Variants in CNGB3 observed in about 807,000 individuals in gnomAD.
CNGB3 encodes cyclic nucleotide gated channel subunit beta 3, also known as cyclic nucleotide-gated channel beta-3.
CNGB3 carries 86 observed loss-of-function variants against 92.8 expected under a neutral mutation model. The observed-to-expected ratio is 0.93, with a 90% CI of 0.78 to 1.11. The LOEUF is 1.11. Ranked by LOEUF, CNGB3 falls within the 50% of genes least tolerant of loss-of-function variation. CNGB3 has a pLI of 0.00. For synonymous variants in CNGB3, 333 were observed against 332.7 expected (o/e 1.00, Z -0.01); for missense variants, 1,026 against 956.8 (o/e 1.07, Z -0.95).
At chr8:86,689,293 G>C (rs1256865488) in intron 3 of CNGB3, among the ~76,000 whole-genome samples, 1 of 151,534 alleles carries the variant, frequency 6.6e-6, no homozygotes, top group African/African-American at 2.4e-5. Flanking sequence ...CATTAGTTCT[G>C]TTTGGTCTGT....
chr8:86,621,173 A>G (rs552524502), intron 13 of CNGB3, among the ~76,000 whole-genome samples: 27 of 152,350 alleles, frequency 1.8e-4, no homozygotes, highest in Non-Finnish European at 3.1e-4. Flanking sequence ...TATCTAATTT[A>G]AAGCATTTGT....
At position 86,604,100 on chromosome 8, in the gene CNGB3, C is replaced by A; in HGVS notation, c.1774G>T (p.Glu592Ter). The A allele has an allele frequency of 6.2e-7, 1 of 1,607,340 alleles. No homozygotes were observed. Among genetic ancestry groups the A allele is most frequent in the South Asian group, 1.1e-5 (1 of 90,930 alleles). ...GAAGTATCTTTCAGATACCTGATTT[C>A]TCCAAACACCGACCCAGCTTTCAGA... The part of the protein sequence containing the change: ...VTLKAGSVFG[E>*]ISLLAAGGGN... Residue 592 changes from glutamate to a stop codon, truncating the protein, a stop_gained, in exon 15 of 18, where the codon GAA becomes TAA. Coordinates refer to ENST00000320005, the MANE Select transcript of CNGB3 (RefSeq NM_019098.5). LOFTEE classifies it high-confidence loss of function.
At chr8:86,619,728 C>CTTTTTTTTT (rs71275868) in intron 13 of CNGB3, among the ~76,000 whole-genome samples, 5 of 73,402 alleles carry the variant, frequency 6.8e-5, no homozygotes, top group Non-Finnish European at 9.7e-5. Flanking sequence ...TGGTCTTGAC[C>CTTTTTTTTT]TTTTTTTTTT....
At chr8:86,659,209 A>G (rs1397521777) in intron 6 of CNGB3, 3 of 722,910 alleles carry the variant, frequency 4.1e-6, no homozygotes, top group Non-Finnish European at 7.6e-6. Flanking sequence ...ATCCTCTGCT[A>G]CCGCATGGCC....
rs144391005 is a variant in CNGB3 at position 86,654,914 on chromosome 8, C to G, written c.853-852G>C. Among the ~76,000 whole-genome samples the G allele has an allele frequency of 8.2e-3, 1,253 of 152,200 alleles. 10 individuals are homozygous for G. Among genetic ancestry groups the G allele is most frequent in the Non-Finnish European group, 0.012 (842 of 68,010 alleles). On this transcript the variant is annotated intron_variant, in intron 6 of 17. Coordinates refer to ENST00000320005, the MANE Select transcript of CNGB3 (RefSeq NM_019098.5). ...AGATTACCGTGCGGGTTGATGCTAC[C>G]AAATCTCTACTTCCACTAATATCAC...
At chr8:86,693,443 AT>A (rs1824360288) in intron 3 of CNGB3, among the ~76,000 whole-genome samples, 1 of 147,640 alleles carries the variant, frequency 6.8e-6, no homozygotes, top group East Asian at 2.0e-4. Flanking sequence ...TTATTTATTT[AT>A]TTATTTATTT....
At chr8:86,723,184 C>T (rs1193339146) in intron 3 of CNGB3, among the ~76,000 whole-genome samples, 1 of 152,056 alleles carries the variant, frequency 6.6e-6, no homozygotes, top group African/African-American at 2.4e-5. Context: ...TGCATTCTCC[C>T]CAGTACCTAT....
intron 6 of CNGB3, among the ~76,000 whole-genome samples, chr8:86,655,166 C>A (rs1306208867): frequency 6.6e-6 from 1 of 152,194 alleles, no homozygotes; most frequent in Non-Finnish European, 1.5e-5. Context: ...TCTACTCATT[C>A]TTCCTAAAAT....
intron 13 of CNGB3, among the ~76,000 whole-genome samples, chr8:86,622,534 C>T (rs1158559741): frequency 6.6e-6 from 1 of 152,192 alleles, no homozygotes; most frequent in East Asian, 1.9e-4. Flanking sequence ...TTCCCTTATG[C>T]TTCTTCCTAA....
chr8:86,612,242 T>C (rs1316617044), intron 13 of CNGB3, among the ~76,000 whole-genome samples: 1 of 152,176 alleles, frequency 6.6e-6, no homozygotes, highest in Non-Finnish European at 1.5e-5. Context: ...GAATGATTGT[T>C]CATATTCACT....
intron 3 of CNGB3, among the ~76,000 whole-genome samples, chr8:86,681,430 T>G (rs550177113): frequency 6.6e-6 from 1 of 152,238 alleles, no homozygotes; most frequent in African/African-American, 2.4e-5. Flanking sequence ...ACAAGGAAAG[T>G]AAGACAGGAC....
intron 3 of CNGB3, among the ~76,000 whole-genome samples, chr8:86,705,387 C>T (rs1375108854): frequency 6.6e-6 from 1 of 152,038 alleles, no homozygotes; most frequent in African/African-American, 2.4e-5. Flanking sequence ...AAAGTGCTGG[C>T]AGACGACCTG....
intron 7 of CNGB3, among the ~76,000 whole-genome samples, chr8:86,651,489 C>A (rs1351978930): frequency 5.9e-5 from 9 of 151,768 alleles, no homozygotes; most frequent in Admixed American, 5.3e-4. Context: ...ATCTTTGTAA[C>A]AAGTTAAGTG....
At chr8:86,711,286 AT>A (rs1239491922) in intron 3 of CNGB3, among the ~76,000 whole-genome samples, 1 of 152,006 alleles carries the variant, frequency 6.6e-6, no homozygotes, top group African/African-American at 2.4e-5. Flanking sequence ...TTATTCATGG[AT>A]TTTTGCCTGC....
At chr8:86,657,779 C>G (rs1653564175) in intron 6 of CNGB3, 2 of 489,706 alleles carry the variant, frequency 4.1e-6, no homozygotes, top group Non-Finnish European at 8.2e-6. Context: ...CCTTCATCTC[C>G]TCCTTGTCCT....
chr8:86,621,759 A>T (rs1822732803), intron 13 of CNGB3, among the ~76,000 whole-genome samples: 1 of 152,152 alleles, frequency 6.6e-6, no homozygotes, highest in African/African-American at 2.4e-5. Flanking sequence ...TTCCTGAGTT[A>T]CTTCACTTAG....
At chr8:86,586,689 G>C (rs1365406792) in intron 15 of CNGB3, among the ~76,000 whole-genome samples, 2 of 151,076 alleles carry the variant, frequency 1.3e-5, no homozygotes, top group East Asian at 3.9e-4. Flanking sequence ...TGGCTGCATA[G>C]TATTCCATGG....
chr8:86,734,976 TAA>T (rs1449128268), intron 2 of CNGB3, among the ~76,000 whole-genome samples: 2 of 147,708 alleles, frequency 1.4e-5, no homozygotes, highest in Non-Finnish European at 3.0e-5. Context: ...ATGCCTCAAC[TAA>T]AGAGTTAGAA....
At chr8:86,629,980 A>C (rs1230105143) in intron 11 of CNGB3, among the ~76,000 whole-genome samples, 1 of 152,038 alleles carries the variant, frequency 6.6e-6, no homozygotes, top group Non-Finnish European at 1.5e-5. Flanking sequence ...CATTCATTTT[A>C]GTAGCTTTTG....
Sources: allele counts gnomAD v4.1 joint callset (sites outside exome capture counted in the v4.1 genomes callset), GRCh38; gene constraint gnomAD v4.1.1; transcripts MANE v1.5; gene names NCBI Gene and HGNC (gene_info 2026-07-23, HGNC 2026-07-21).